DMD: variants seen among roughly 807,000 people sequenced by gnomAD.
DMD encodes dystrophin.
Under a neutral mutation model 330.1 loss-of-function variants are expected in DMD, and 63 were observed. The ratio of observed to expected loss-of-function variants is 0.19; its 90% CI spans 0.16 to 0.24. The LOEUF (loss-of-function observed/expected upper bound fraction) is 0.24, where lower values mean the gene tolerates loss of function less well. DMD is among the 10% of genes least tolerant of loss of function. The pLI is 1.00. For missense variants in DMD, 3,344 were observed against 2,684.1 expected (o/e 1.25, Z -5.43); for synonymous variants, 1,223 against 959.8 (o/e 1.27, Z -5.07).
intron 2 of DMD, among the ~76,000 whole-genome samples, chrX:32,938,164 C>A: frequency 9.0e-6 from 1 of 111,156 alleles, no homozygotes; most frequent in South Asian, 3.8e-4. Flanking sequence ...ATTATGAGCC[C>A]CAAAATCATT....
At chrX:31,624,946 G>A (rs188707041) in intron 55 of DMD, among the ~76,000 whole-genome samples, 14 of 112,171 alleles carry the variant, frequency 1.2e-4, no homozygotes, top group Non-Finnish European at 2.4e-4. Context: ...TTATTTTCAA[G>A]CTCGGCATTT....
At chrX:31,510,154 C>A (rs941622815) in intron 55 of DMD, among the ~76,000 whole-genome samples, 2 of 111,960 alleles carry the variant, frequency 1.8e-5, no homozygotes, top group African/African-American at 6.5e-5. Context: ...GTTATTCCTC[C>A]CCCTGGCTCT....
intron 42 of DMD, among the ~76,000 whole-genome samples, chrX:32,297,551 C>T (rs1385412573): frequency 2.7e-5 from 3 of 111,584 alleles, no homozygotes; most frequent in Non-Finnish European, 5.6e-5. Flanking sequence ...GGATTACAGG[C>T]GTGAGCCACC....
At chrX:33,335,988 G>T (rs750682893) in intron 1 of DMD, among the ~76,000 whole-genome samples, 1 of 111,078 alleles carries the variant, frequency 9.0e-6, no homozygotes, top group South Asian at 3.7e-4. Context: ...GATAACATTG[G>T]AGAATCACAG....
chrX:32,941,884 T>G (rs1360884791), intron 2 of DMD, among the ~76,000 whole-genome samples: 1 of 111,431 alleles, frequency 9.0e-6, no homozygotes, highest in Non-Finnish European at 1.9e-5. Flanking sequence ...TTTTAAAAGG[T>G]CCTTCCAATA....
intron 34 of DMD, among the ~76,000 whole-genome samples, chrX:32,375,288 T>A (rs916854257): frequency 8.9e-6 from 1 of 112,349 alleles, no homozygotes; most frequent in Non-Finnish European, 1.9e-5. Flanking sequence ...TGTTCCTTAT[T>A]CATCTCGCTG....
At chrX:31,311,586 C>T (rs1209635317) in intron 62 of DMD, among the ~76,000 whole-genome samples, 1 of 111,322 alleles carries the variant, frequency 9.0e-6, no homozygotes, top group Non-Finnish European at 1.9e-5. Flanking sequence ...TGGTGTGATG[C>T]CTCTAGCTTT....
chrX:32,738,982 G>T (rs1380136604), intron 7 of DMD, among the ~76,000 whole-genome samples: 4 of 111,800 alleles, frequency 3.6e-5, no homozygotes, highest in African/African-American at 1.3e-4. Context: ...TTAAGAAAAT[G>T]TAACTTCAGG....
At chrX:33,254,962 T>A (rs1421650737) in intron 1 of DMD, among the ~76,000 whole-genome samples, 3 of 111,018 alleles carry the variant, frequency 2.7e-5, no homozygotes, top group Non-Finnish European at 5.7e-5. Context: ...TTTATTTTCT[T>A]ATATATTATC....
chrX:32,775,687 C>G (rs776396663), intron 7 of DMD, among the ~76,000 whole-genome samples: 3 of 113,076 alleles, frequency 2.7e-5, no homozygotes, highest in East Asian at 5.6e-4. Context: ...CCTGGCCCAC[C>G]AAACCATTTT....
intron 60 of DMD, among the ~76,000 whole-genome samples, chrX:31,408,005 C>T (rs1276072418): frequency 9.0e-6 from 1 of 111,587 alleles, no homozygotes; most frequent in Non-Finnish European, 1.9e-5. Context: ...AACAAACAAA[C>T]GCAAAGTGGT....
intron 23 of DMD, among the ~76,000 whole-genome samples, chrX:32,466,659 AGGAGAGGTAGAAAGAGAG>A: frequency 9.0e-6 from 1 of 111,524 alleles, no homozygotes; most frequent in African/African-American, 3.3e-5. Flanking sequence ...GAAGGTGAGA[AGGAGAGGTAGAAAGAGAG>A]GGAGAGGGAG....
intron 63 of DMD, among the ~76,000 whole-genome samples, chrX:31,253,969 A>G (rs960111839): frequency 1.8e-5 from 2 of 112,146 alleles, no homozygotes; most frequent in African/African-American, 6.5e-5. Flanking sequence ...AGGATCCAAA[A>G]ATTGGGCAAC....
At chrX:31,456,762 G>A (rs762676738) in intron 59 of DMD, among the ~76,000 whole-genome samples, 17 of 108,231 alleles carry the variant, frequency 1.6e-4, no homozygotes, top group East Asian at 5.8e-4. Flanking sequence ...GCATTTTCTC[G>A]GCAACTCTTA....
intron 49 of DMD, among the ~76,000 whole-genome samples, chrX:31,821,416 C>T (rs2092756127): frequency 8.9e-6 from 1 of 112,318 alleles, no homozygotes; most frequent in African/African-American, 3.2e-5. Context: ...TTATCATAGA[C>T]TAGATATGTA....
chrX:33,032,758 G>T (rs1212593820), intron 1 of DMD, among the ~76,000 whole-genome samples: 2 of 112,354 alleles, frequency 1.8e-5, no homozygotes, highest in African/African-American at 6.5e-5. Flanking sequence ...GAAATGCAGT[G>T]AGTTATTGTA....
At chrX:31,497,449 G>A (rs767384443) in intron 56 of DMD, among the ~76,000 whole-genome samples, 3 of 111,275 alleles carry the variant, frequency 2.7e-5, no homozygotes, top group South Asian at 7.6e-4. Flanking sequence ...TCCCAAATGC[G>A]TCTCCTTTCC....
At chrX:32,593,897 A>G (rs1398583913) in intron 13 of DMD, among the ~76,000 whole-genome samples, 2 of 112,661 alleles carry the variant, frequency 1.8e-5, no homozygotes, top group Non-Finnish European at 3.7e-5. Flanking sequence ...AGTTAAGGAC[A>G]AGACTCTAAT....
intron 9 of DMD, among the ~76,000 whole-genome samples, chrX:32,674,928 G>C (rs981179180): frequency 1.8e-5 from 2 of 108,766 alleles, no homozygotes; most frequent in African/African-American, 7.1e-5. Context: ...TTGAAACCAA[G>C]CATCCTAAAT....
Sources: allele counts gnomAD v4.1 joint callset (sites outside exome capture counted in the v4.1 genomes callset), GRCh38; gene constraint gnomAD v4.1.1; transcripts MANE v1.5; gene names NCBI Gene and HGNC (gene_info 2026-07-23, HGNC 2026-07-21).